Variants in COL9A1 observed in about 807,000 individuals in gnomAD.
COL9A1 encodes the protein collagen type IX alpha 1 chain.
A neutral mutation model predicts 142.6 loss-of-function variants in COL9A1; 104 were observed. The observed-to-expected ratio is 0.73, with a 90% CI of 0.62 to 0.86. COL9A1 has a LOEUF of 0.86. Ranked by LOEUF, COL9A1 falls within the 40% of genes least tolerant of loss-of-function variation. The pLI, the probability that COL9A1 is intolerant of heterozygous loss-of-function variation, is 0.00. For synonymous variants in COL9A1, 466 were observed against 396.0 expected (o/e 1.18, Z -2.10); for missense variants, 1,210 against 1,176.6 (o/e 1.03, Z -0.42).
chr6:70,248,069 C>T (rs701693), intron 28 of COL9A1, among the ~76,000 whole-genome samples: 72,500 of 152,000 alleles, frequency 0.48, 17,665 homozygotes, highest in African/African-American at 0.54. Context: ...GTCAGTGCCA[C>T]GAGAGCAGAA....
chr6:70,287,784 C>A (rs544876312), intron 5 of COL9A1, among the ~76,000 whole-genome samples: 3 of 152,088 alleles, frequency 2.0e-5, no homozygotes, highest in Non-Finnish European at 4.4e-5. Flanking sequence ...TTATTCTATC[C>A]TTTTTGAAAT....
intron 12 of COL9A1, among the ~76,000 whole-genome samples, chr6:70,273,274 T>C (rs1772523961): frequency 6.6e-6 from 1 of 152,156 alleles, no homozygotes; most frequent in Admixed American, 6.6e-5. Flanking sequence ...GTTCTTTCAT[T>C]GTCAGAAACC....
intron 7 of COL9A1, among the ~76,000 whole-genome samples, chr6:70,282,497 G>A (rs1397336595): frequency 6.6e-6 from 1 of 152,004 alleles, no homozygotes; most frequent in East Asian, 1.9e-4. Context: ...CGGGCTGGAG[G>A]AGCGGGAGAG....
intron 5 of COL9A1, among the ~76,000 whole-genome samples, chr6:70,292,104 C>T (rs1028712482): frequency 6.6e-6 from 1 of 152,156 alleles, no homozygotes; most frequent in African/African-American, 2.4e-5. Flanking sequence ...TTGAGAAATA[C>T]ATTTTGGTGA....
At chr6:70,280,613 G>C (rs991293974) in intron 10 of COL9A1, 199 bp downstream of exon 10, 26 of 1,292,952 alleles carry the variant, frequency 2.0e-5, no homozygotes, top group Non-Finnish European at 2.7e-5. Context: ...CTAGAGAGAG[G>C]TATCCTCACC....
At chr6:70,248,422 A>G (rs752921939) in intron 28 of COL9A1, among the ~76,000 whole-genome samples, 5 of 152,212 alleles carry the variant, frequency 3.3e-5, no homozygotes, top group Admixed American at 6.5e-5. Flanking sequence ...CCATGTCTTC[A>G]TCTCCAACCC....
rs367938311 is a variant in COL9A1 at position 70,287,359 on chromosome 6, C to T, written c.697-3539G>A. Among the ~76,000 whole-genome samples, 250 of 151,596 alleles carry T rather than the reference C, an allele frequency of 1.6e-3. 1 individual carries two copies. The highest frequency in any genetic ancestry group is 5.6e-3 in the African/African-American group (232 of 41,372). On this transcript the variant is annotated intron_variant, in intron 5 of 37. Transcript: ENST00000357250. ...AATTGTCATTGAAAGACTTTTTTTG[C>T]AAAAGATAAGGATGGGGAAAGCTTC...
intron 31 of COL9A1, 146 bp downstream of exon 31, chr6:70,241,273 C>G: frequency 1.4e-6 from 1 of 724,524 alleles, no homozygotes; most frequent in Non-Finnish European, 2.5e-6. Context: ...AAACTCAACA[C>G]CAGGTTTCAC....
intron 37 of COL9A1, among the ~76,000 whole-genome samples, chr6:70,219,556 G>A (rs1329291174): frequency 6.6e-6 from 1 of 152,164 alleles, no homozygotes; most frequent in African/African-American, 2.4e-5. Context: ...TTCCCCCACT[G>A]TTTTTACCAG....
At position 70,252,157 on chromosome 6, in the gene COL9A1, G is replaced by A; in HGVS notation, c.1835C>T (p.Pro612Leu). 1 of 1,614,152 alleles carries A rather than the reference G, an allele frequency of 6.2e-7. No homozygotes were observed. The highest frequency in any genetic ancestry group is 8.5e-7 in the Non-Finnish European group (1 of 1,180,014). Residue 612 changes from proline (P) to leucine (L), a missense_variant, in exon 28 of 38, where the codon CCA becomes CTA. By Grantham distance (98) the Pro-to-Leu change is moderately conservative. Coordinates refer to ENST00000357250, the MANE Select transcript of COL9A1 (RefSeq NM_001851.6). ...NSGKPGQQGP[P>L]GEVGPRGPQG... is the part of the protein sequence containing the mutation. ...GGGTCCTCGGGGTCCCACCTCTCCT[G>A]GAGGCCCCTGTTGGCCCTGTTATCA...
In COL9A1 at chr6:70,216,676, A is replaced by T. The variant is rs1768523570; in HGVS notation, c.*221T>A. ...TTTCTTTTTTTTTTTTTAACTGATG[A>T]CTCTGCTGTCTTCCCTCCAAGGGAA... On this transcript the variant is annotated 3_prime_UTR_variant, in exon 38 of 38. Transcript: ENST00000357250. The T allele has an allele frequency of 7.0e-6, 4 of 569,330 alleles. No individual in the cohort carries two copies. The highest frequency in any genetic ancestry group is 3.1e-6 in the Non-Finnish European group (1 of 319,178). The allele number at this position is 569,330 out of a possible 1,614,324, so 35.3% of individuals were successfully genotyped here. A position where few individuals can be genotyped will look rare whatever the true frequency, so the allele number is the denominator to read the frequency against.
intron 36 of COL9A1, among the ~76,000 whole-genome samples, chr6:70,228,623 G>C (rs1244483507): frequency 2.0e-5 from 3 of 152,014 alleles, no homozygotes; most frequent in Non-Finnish European, 4.4e-5. Context: ...ATAACCATCT[G>C]CACTCAGATA....
At position 70,300,105 on chromosome 6, in the gene COL9A1, TC is replaced by T. The variant is rs766248764; in HGVS notation, c.236del (p.Gly79AspfsTer15). On this transcript the variant is annotated frameshift_variant, in exon 4 of 38. Transcript: ENST00000357250. LOFTEE classifies it high-confidence loss of function. Reference sequence around the variant, plus strand: ...TGTAAGCCACCTGCAATGTAGCTGATCCCACTACTCTCTGGATAGCTCTTCT... The same window carrying T: ...TGTAAGCCACCTGCAATGTAGCTGATCCACTACTCTCTGGATAGCTCTTCT... The part of the protein sequence containing the change: ...ASRRAIQRVV[G>X]SATLQVAYKL... 6.2e-7 allele frequency: 1 copy of T among 1,613,770 alleles called. No individual in the cohort carries two copies. The highest frequency in any genetic ancestry group is 1.1e-5 in the South Asian group (1 of 91,062).
chr6:70,283,026 C>T, intron 6 of COL9A1, 108 bp from the exon 7 acceptor site: 1 of 1,609,490 alleles, frequency 6.2e-7, no homozygotes, highest in Non-Finnish European at 8.5e-7. Flanking sequence ...GCCCCAGGGC[C>T]CCGCGGTCCC....
rs1255279557 is a variant in COL9A1 at position 70,242,644 on chromosome 6, C to T, written c.1926+18G>A. ...TTGTGTTTCGTAGAAGGCAAATAAA[C>T]GAAACTTTTCTACTTACCAGTTTAC... On this transcript the variant is annotated intron_variant, in intron 29 of 37. Coordinates refer to ENST00000357250, the MANE Select transcript of COL9A1 (RefSeq NM_001851.6). The T allele has an allele frequency of 1.9e-6, 3 of 1,612,420 alleles. No homozygotes were observed. The highest frequency in any genetic ancestry group is 1.7e-5 in the Admixed American group (1 of 60,018).
chr6:70,252,599 C>A (rs1771014694), intron 26 of COL9A1, among the ~76,000 whole-genome samples: 1 of 152,150 alleles, frequency 6.6e-6, no homozygotes, highest in Non-Finnish European at 1.5e-5. Context: ...GAGGATTTTT[C>A]TTTCTTCACA....
chr6:70,281,300 G>GA lies in COL9A1; in HGVS notation c.876+89dup, dbSNP rs34962262. 0.1 allele frequency: 111,055 copies of GA among 1,060,974 alleles called. 364 individuals are homozygous for GA. Among genetic ancestry groups the GA allele is most frequent in the Non-Finnish European group, 0.12 (90,951 of 754,332 alleles). The allele number at this position is 1,060,974 out of a possible 1,614,324, so 65.7% of individuals were successfully genotyped here. The stretch of plus-strand genomic sequence containing the variant: ...GGAAGGGGAGACCCTGGTCCTCTCT[G>GA]AAAAAAAAAAAAACCCCACAGGAGC... On this transcript the variant is annotated intron_variant, in intron 8 of 37. Transcript: ENST00000357250.
chr6:70,294,461 C>T lies in COL9A1; in HGVS notation c.402G>A (p.Gln134=), dbSNP rs1471892573. 1 of 1,614,120 alleles carries T rather than the reference C, an allele frequency of 6.2e-7. No individual in the cohort carries two copies. The highest frequency in any genetic ancestry group is 1.7e-5 in the Admixed American group (1 of 60,010). The change falls in exon 5 of 38, where the codon CAG becomes CAA. Residue 134 remains glutamine, a synonymous_variant. Coordinates refer to ENST00000357250, the MANE Select transcript of COL9A1 (RefSeq NM_001851.6). ...CAACTTGCTCCTTCCCAGAGGAATC[C>T]TGAATCTGCCAAATGTTCCAGTTCT... ...LKKNWNIWQI[Q]DSSGKEQVGI... is the part of the protein sequence containing the mutation.
chr6:70,277,178 G>T (rs1772816351), intron 10 of COL9A1, among the ~76,000 whole-genome samples: 1 of 151,906 alleles, frequency 6.6e-6, no homozygotes, highest in African/African-American at 2.4e-5. Context: ...TCTCATATGG[G>T]TGTTATAAGA....
Sources: allele counts gnomAD v4.1 joint callset (sites outside exome capture counted in the v4.1 genomes callset), GRCh38; gene constraint gnomAD v4.1.1; transcripts MANE v1.5; gene names NCBI Gene and HGNC (gene_info 2026-07-23, HGNC 2026-07-21).